CDC42: variants seen among roughly 807,000 people sequenced by gnomAD.
The protein encoded by CDC42 is cell division cycle 42.
In CDC42, 1 loss-of-function variant was observed where a neutral mutation model predicts 20.8. The ratio of observed to expected loss-of-function variants is 0.05; its 90% CI spans 0.02 to 0.23. The LOEUF is 0.23. Among genes scored for constraint, CDC42 ranks in the 10% least tolerant of loss-of-function variants. The pLI is 1.00. For missense variants in CDC42, 49 were observed against 227.9 expected (o/e 0.21, Z 5.05); for synonymous variants, 72 against 84.8 (o/e 0.85, Z 0.83).
intron 5 of CDC42, chr1:22,090,194 T>G: frequency 7.7e-7 from 1 of 1,303,946 alleles, no homozygotes; most frequent in Non-Finnish European, 9.8e-7. Context: ...AAGAATGCAA[T>G]ATCATATAAA....
At chr1:22,089,476 G>C (rs1199749521) in intron 5 of CDC42, among the ~76,000 whole-genome samples, 1 of 152,152 alleles carries the variant, frequency 6.6e-6, no homozygotes, top group African/African-American at 2.4e-5. Flanking sequence ...AGTCCTTCTA[G>C]TTGGTACTGT....
Position 22,054,104 on chromosome 1 carries a change from G to T in CDC42, c.-51+1362G>T, listed in dbSNP as rs79253563. On this transcript the variant is annotated intron_variant, in intron 1 of 5. Transcript: ENST00000656825. Reference sequence around the variant, plus strand: ...TTGAAAAGAGGATCAGTTTATGCCTGATCTATGCTAGACATTTTAGTTTTG... The same window carrying T: ...TTGAAAAGAGGATCAGTTTATGCCTTATCTATGCTAGACATTTTAGTTTTG... Among the ~76,000 whole-genome samples the T allele has an allele frequency of 4.6e-3, 694 of 152,230 alleles. 11 individuals carry two copies. Among genetic ancestry groups the T allele is most frequent in the African/African-American group, 0.016 (664 of 41,516 alleles).
intron 1 of CDC42, among the ~76,000 whole-genome samples, chr1:22,054,057 C>T (rs1381069205): frequency 6.6e-6 from 1 of 152,130 alleles, no homozygotes; most frequent in Non-Finnish European, 1.5e-5. Context: ...GATTCAAGTG[C>T]ACTTTTTGTG....
intron 1 of CDC42, among the ~76,000 whole-genome samples, chr1:22,057,636 G>T (rs536860540): frequency 4.1e-4 from 63 of 152,110 alleles, no homozygotes; most frequent in African/African-American, 1.5e-3. Context: ...CGCCCGTCTC[G>T]GCCTCTCAAA....
Position 22,072,976 on chromosome 1 carries a change from C to G in CDC42, c.-50-5453C>G, listed in dbSNP as rs1645508249. 2.6e-5 allele frequency among the ~76,000 whole-genome samples: 4 copies of G among 152,148 alleles called. No individual in the cohort carries two copies. The East Asian group carries it at 7.7e-4, about 29-fold the overall frequency. ...AAACTTACTAGCAAATATTTAATCT[C>G]AAATCTTAAGGTTGCTGTCTCTCTG... On this transcript the variant is annotated intron_variant, in intron 1 of 5. Coordinates refer to ENST00000656825, the MANE Select transcript of CDC42 (RefSeq NM_001791.4).
rs1246302186 is a variant in CDC42 at position 22,061,546 on chromosome 1, T to C, written c.-51+8804T>C. ...CATGTTTCTTTCTTTTTTTTTTTTT[T>C]TTTTTTTTTTTTTTTGAGATGGAGT... is the stretch of plus-strand genomic sequence containing the variant. On this transcript the variant is annotated intron_variant, in intron 1 of 5. Transcript: ENST00000656825. Among the ~76,000 whole-genome samples the C allele has an allele frequency of 2.3e-3, 263 of 115,128 alleles. 5 individuals are homozygous for C. Among genetic ancestry groups the C allele is most frequent in the Middle Eastern group, 0.02 (5 of 254 alleles). The allele number at this position is 115,128 out of a possible 152,430, so 75.5% of individuals were successfully genotyped here.
At chr1:22,068,782 T>C (rs546380797) in intron 1 of CDC42, 1 of 152,404 alleles carries the variant, frequency 6.6e-6, no homozygotes, top group East Asian at 1.9e-4. Context: ...ATGAACTTCA[T>C]GTACAGCAGG....
intron 1 of CDC42, among the ~76,000 whole-genome samples, chr1:22,078,155 C>T (rs953652261): frequency 6.6e-6 from 1 of 152,192 alleles, no homozygotes. Flanking sequence ...TCTTCTCTTT[C>T]ATGATAAAAA....
chr1:22,067,518 T>G lies in CDC42; in HGVS notation c.-50-10911T>G, dbSNP rs542363386. ...GGCATGCGCCACCGGCTAATTTTTG[T>G]ATTTTTAGTGGAGACAGGGTTTCAC... is the stretch of plus-strand genomic sequence containing the variant. On this transcript the variant is annotated intron_variant, in intron 1 of 5. Transcript: ENST00000656825. 3.9e-5 allele frequency among the ~76,000 whole-genome samples: 6 copies of G among 152,242 alleles called. No individual in the cohort carries two copies. In the East Asian group the frequency reaches 1.2e-3, roughly 29 times the overall value.
chr1:22,071,519 A>C (rs971188629), intron 1 of CDC42, among the ~76,000 whole-genome samples: 11 of 152,230 alleles, frequency 7.2e-5, no homozygotes, highest in Admixed American at 2.6e-4. Context: ...TGGTTGCCTA[A>C]AAATCACATG....
chr1:22,061,999 C>T (rs774143693), intron 1 of CDC42, among the ~76,000 whole-genome samples: 2 of 152,012 alleles, frequency 1.3e-5, no homozygotes, highest in Non-Finnish European at 2.9e-5. Context: ...AGTGCAGTGG[C>T]GTGATCTTGG....
intron 1 of CDC42, among the ~76,000 whole-genome samples, chr1:22,071,046 C>CTTTTTTTTT (rs10684040): frequency 8.0e-6 from 1 of 125,312 alleles, no homozygotes; most frequent in African/African-American, 3.0e-5. Flanking sequence ...TTTTTTCTTT[C>CTTTTTTTTT]TTTTTTTTTT....
intron 2 of CDC42, among the ~76,000 whole-genome samples, chr1:22,079,285 C>T (rs1410973872): frequency 2.0e-5 from 3 of 151,788 alleles, no homozygotes; most frequent in African/African-American, 7.3e-5. Context: ...ATTACAGGCG[C>T]CCGCCACCAC....
chr1:22,054,921 ATTTTTTTTTTTTTTTTTTTTTTTTTTT>A (rs1180547322), intron 1 of CDC42, among the ~76,000 whole-genome samples: 1,463 of 19,360 alleles, frequency 0.076, 89 homozygotes, highest in Middle Eastern at 0.17. Context: ...ATATATATAT[ATTTTTTTTTTTTTTTTTTTTTTTTTTT>A]TTTTTTTTTT....
In CDC42 at chr1:22,097,582, C is replaced by G. The variant is rs76739921; in HGVS notation, c.*6065C>G. Reference sequence around the variant, plus strand: ...TAAGTCCGCCTTTCAAAGTTGAGTACTGCATTCTTGCGGCTCTACCTAAGT... The same window carrying G: ...TAAGTCCGCCTTTCAAAGTTGAGTAGTGCATTCTTGCGGCTCTACCTAAGT... On this transcript the variant is annotated 3_prime_UTR_variant, in exon 6 of 6. Transcript: ENST00000656825. Among the ~76,000 whole-genome samples the G allele has an allele frequency of 0.014, 2,148 of 152,358 alleles. 28 individuals are homozygous for G. Among genetic ancestry groups the G allele is most frequent in the Non-Finnish European group, 0.022 (1,510 of 68,038 alleles).
chr1:22,067,076 C>T (rs16826398), intron 1 of CDC42, among the ~76,000 whole-genome samples: 1,682 of 152,122 alleles, frequency 0.011, 30 homozygotes, highest in African/African-American at 0.038. Flanking sequence ...GGTAAGAGAC[C>T]TGTGTAGCTA....
At chr1:22,057,103 T>C (rs954100612) in intron 1 of CDC42, among the ~76,000 whole-genome samples, 1 of 152,256 alleles carries the variant, frequency 6.6e-6, no homozygotes, top group Non-Finnish European at 1.5e-5. Flanking sequence ...TTATTAGGTA[T>C]GTGCAGTCTA....
At chr1:22,065,118 A>G (rs1051373378) in intron 1 of CDC42, among the ~76,000 whole-genome samples, 1 of 152,222 alleles carries the variant, frequency 6.6e-6, no homozygotes, top group Non-Finnish European at 1.5e-5. Flanking sequence ...CGAGGCTTAA[A>G]AGAGTTTTAA....
At chr1:22,055,882 T>TC (rs2152825595) in intron 1 of CDC42, among the ~76,000 whole-genome samples, 1 of 151,242 alleles carries the variant, frequency 6.6e-6, no homozygotes, top group Non-Finnish European at 1.5e-5. Context: ...TTTTTTTTTT[T>TC]TTTTGAGAGG....
Sources: gnomAD v4.1 joint callset for allele counts (sites outside exome capture counted in the v4.1 genomes callset) on GRCh38, gnomAD v4.1.1 for gene constraint, MANE v1.5 for transcripts, NCBI Gene and HGNC (gene_info 2026-07-23, HGNC 2026-07-21) for gene names.